The following RAI14 variants were observed in gnomAD, a reference collection of about 807,000 sequenced individuals.
RAI14 encodes the protein retinoic acid induced 14, also known as ankycorbin.
A neutral mutation model predicts 115.4 loss-of-function variants in RAI14; 45 were observed. That is an observed-to-expected ratio of 0.39 (90% CI 0.31 to 0.50). The LOEUF is 0.50. Among genes scored for constraint, RAI14 ranks in the 20% least tolerant of loss-of-function variants. The pLI is 0.85. For missense variants in RAI14, 939 were observed against 1,131.2 expected, an observed-to-expected ratio of 0.83 and a Z score of 2.44; for synonymous variants, 371 against 415.4, an observed-to-expected ratio of 0.89 and a Z score of 1.30.
chr5:34,677,053 T>G (rs547510779), intron 1 of RAI14, among the ~76,000 whole-genome samples: 27 of 152,362 alleles, frequency 1.8e-4, no homozygotes, highest in African/African-American at 6.5e-4. Flanking sequence ...AAATAAGATT[T>G]ATAAGATAGT....
chr5:34,750,370 G>A (rs1746817173), intron 2 of RAI14, among the ~76,000 whole-genome samples: 1 of 152,160 alleles, frequency 6.6e-6, no homozygotes, highest in Admixed American at 6.5e-5. Context: ...GTTTTTGTGT[G>A]GATGTGCATT....
chr5:34,710,969 C>T (rs762308722), intron 2 of RAI14, among the ~76,000 whole-genome samples: 7 of 152,142 alleles, frequency 4.6e-5, no homozygotes, highest in South Asian at 4.2e-4. Context: ...CTTTGAACTA[C>T]GTTTGACTGA....
chr5:34,671,605 A>C (rs1271289875), intron 1 of RAI14, among the ~76,000 whole-genome samples: 1 of 152,218 alleles, frequency 6.6e-6, no homozygotes, highest in East Asian at 1.9e-4. Context: ...CAGGCCACAT[A>C]AATCATAGTA....
chr5:34,780,143 ATGG>A (rs1157141925), intron 3 of RAI14, among the ~76,000 whole-genome samples: 1 of 152,216 alleles, frequency 6.6e-6, no homozygotes, highest in Non-Finnish European at 1.5e-5. Context: ...TATTTAATAA[ATGG>A]TGCTGGGAAA....
At chr5:34,704,035 C>T (rs549838591) in intron 2 of RAI14, among the ~76,000 whole-genome samples, 7 of 152,326 alleles carry the variant, frequency 4.6e-5, no homozygotes, top group African/African-American at 1.7e-4. Context: ...CCAGAGCTAC[C>T]TAATCTGAAA....
At chr5:34,810,941 A>C in intron 7 of RAI14, 71 bp from the exon 8 acceptor site, 4 of 1,603,778 alleles carry the variant, frequency 2.5e-6, no homozygotes, top group East Asian at 2.2e-5. Flanking sequence ...TGTGCAAAAA[A>C]CAGGGGCTGA....
At chr5:34,708,175 A>G (rs1740938168) in intron 2 of RAI14, among the ~76,000 whole-genome samples, 2 of 152,060 alleles carry the variant, frequency 1.3e-5, no homozygotes, top group African/African-American at 4.8e-5. Flanking sequence ...TTGAAATAAT[A>G]AAACCTAAGT....
intron 3 of RAI14, among the ~76,000 whole-genome samples, chr5:34,786,743 C>T (rs932402126): frequency 6.6e-6 from 1 of 152,168 alleles, no homozygotes; most frequent in African/African-American, 2.4e-5. Flanking sequence ...TTGGGCACCA[C>T]TTGCCGAGAC....
intron 1 of RAI14, among the ~76,000 whole-genome samples, chr5:34,674,362 C>T (rs1743825327): frequency 6.6e-6 from 1 of 152,206 alleles, no homozygotes; most frequent in Admixed American, 6.5e-5. Flanking sequence ...ACGTCTCCAA[C>T]ATTCCAGAAT....
At chr5:34,724,069 T>C (rs1434502451) in intron 2 of RAI14, among the ~76,000 whole-genome samples, 1 of 152,200 alleles carries the variant, frequency 6.6e-6, no homozygotes, top group Non-Finnish European at 1.5e-5. Flanking sequence ...CAGGCTGGAG[T>C]GCGGTGGCGC....
chr5:34,726,036 G>A (rs1743424431), intron 2 of RAI14, among the ~76,000 whole-genome samples: 1 of 150,932 alleles, frequency 6.6e-6, no homozygotes, highest in African/African-American at 2.4e-5. Flanking sequence ...ATAATATTAA[G>A]GAATTATTCT....
chr5:34,732,300 A>ATAT (rs1744293947), intron 2 of RAI14, among the ~76,000 whole-genome samples: 1 of 152,054 alleles, frequency 6.6e-6, no homozygotes, highest in Non-Finnish European at 1.5e-5. Context: ...TGGCCCATGG[A>ATAT]CTCGACAGTA....
chr5:34,727,723 G>C (rs548425625), intron 2 of RAI14, among the ~76,000 whole-genome samples: 1 of 152,140 alleles, frequency 6.6e-6, no homozygotes, highest in Non-Finnish European at 1.5e-5. Flanking sequence ...TGAGCCTACA[G>C]GTGCCCAGAA....
intron 3 of RAI14, among the ~76,000 whole-genome samples, chr5:34,769,804 G>GTAAC (rs1330880419): frequency 1.3e-5 from 2 of 152,182 alleles, no homozygotes; most frequent in Admixed American, 1.3e-4. Flanking sequence ...CAGCCTCACT[G>GTAAC]TAACCTCTGC....
chr5:34,718,986 G>A (rs78974193), intron 2 of RAI14, among the ~76,000 whole-genome samples: 4,877 of 152,258 alleles, frequency 0.032, 144 homozygotes, highest in East Asian at 0.1. Flanking sequence ...TCATTTAGCC[G>A]GTACTGTATG....
chr5:34,769,992 GT>G (rs1344562554), intron 3 of RAI14, among the ~76,000 whole-genome samples: 2 of 152,182 alleles, frequency 1.3e-5, no homozygotes, highest in Non-Finnish European at 2.9e-5. Flanking sequence ...GCCTCCCCAA[GT>G]GCTAGGATTA....
intron 1 of RAI14, among the ~76,000 whole-genome samples, chr5:34,665,469 G>A (rs1743131682): frequency 6.7e-6 from 1 of 149,224 alleles, no homozygotes; most frequent in Non-Finnish European, 1.5e-5. Context: ...GCAGCACAGA[G>A]TAAAGTGTTT....
intron 2 of RAI14, among the ~76,000 whole-genome samples, chr5:34,706,636 A>G (rs552715290): frequency 9.8e-5 from 15 of 152,324 alleles, no homozygotes; most frequent in African/African-American, 3.4e-4. Flanking sequence ...ATTATACTGT[A>G]TCACAGGAGA....
At chr5:34,736,577 G>A (rs1744906965) in intron 2 of RAI14, among the ~76,000 whole-genome samples, 1 of 151,914 alleles carries the variant, frequency 6.6e-6, no homozygotes, top group African/African-American at 2.4e-5. Context: ...TTTTTTGTTT[G>A]TTTTTGACAG....
Sources: allele counts gnomAD v4.1 joint callset (sites outside exome capture counted in the v4.1 genomes callset), GRCh38; gene constraint gnomAD v4.1.1; transcripts MANE v1.5; gene names NCBI Gene and HGNC (gene_info 2026-07-23, HGNC 2026-07-21).